Variants in NEXMIF observed in about 807,000 individuals in gnomAD.
NEXMIF encodes the protein neurite extension and migration factor, also known as XLMR protein related to neurite extension.
In NEXMIF, 8 loss-of-function variants were observed where a neutral mutation model predicts 62.1. The ratio of observed to expected loss-of-function variants is 0.13; its 90% CI spans 0.08 to 0.23. The LOEUF is 0.23. Ranked by LOEUF, NEXMIF falls within the 10% of genes least tolerant of loss-of-function variation. NEXMIF has a pLI of 1.00. For synonymous variants in NEXMIF, 404 were observed against 416.6 expected (o/e 0.97, Z 0.37); for missense variants, 976 against 1,113.3 (o/e 0.88, Z 1.75).
Position 74,846,331 on chromosome X carries a change from A to C in NEXMIF, c.-48+78552T>G, listed in dbSNP as rs1015514061. Reference sequence around the variant, plus strand: ...AGGAGATCTATTCTAGTCTGTTCTCAGTCCTTCCAAATTCTACTTGAATTT... The same window carrying C: ...AGGAGATCTATTCTAGTCTGTTCTCCGTCCTTCCAAATTCTACTTGAATTT... On this transcript the variant is annotated intron_variant, in intron 1 of 3. Coordinates refer to ENST00000055682, the MANE Select transcript of NEXMIF (RefSeq NM_001008537.3). Among the ~76,000 whole-genome samples the C allele has an allele frequency of 3.6e-5, 4 of 112,262 alleles. No homozygotes were observed. In the Admixed American group the frequency reaches 3.8e-4, roughly 11 times the overall value.
intron 1 of NEXMIF, among the ~76,000 whole-genome samples, chrX:74,894,516 C>A (rs946466457): frequency 1.1e-4 from 12 of 110,946 alleles, no homozygotes; most frequent in Non-Finnish European, 1.9e-4. Flanking sequence ...ATACTGAAAC[C>A]AGACAAAATC....
chrX:74,899,600 G>A (rs1488081206), intron 1 of NEXMIF, among the ~76,000 whole-genome samples: 1 of 112,000 alleles, frequency 8.9e-6, no homozygotes, highest in Non-Finnish European at 1.9e-5. Context: ...TAAATAGGAA[G>A]ATATCCCATG....
chrX:74,787,848 C>T (rs945627937), intron 1 of NEXMIF, among the ~76,000 whole-genome samples: 1 of 111,532 alleles, frequency 9.0e-6, no homozygotes, highest in Non-Finnish European at 1.9e-5. Context: ...AGAGAGAGTA[C>T]ACTCCTCAAA....
chrX:74,784,078 C>T (rs1892745883), intron 1 of NEXMIF, among the ~76,000 whole-genome samples: 2 of 111,615 alleles, frequency 1.8e-5, no homozygotes, highest in African/African-American at 3.3e-5. Flanking sequence ...AGCTCAAAAT[C>T]GTATTTCAAT....
intron 1 of NEXMIF, among the ~76,000 whole-genome samples, chrX:74,754,046 C>T (rs1040406316): frequency 6.3e-5 from 7 of 111,427 alleles, no homozygotes; most frequent in Non-Finnish European, 1.1e-4. Flanking sequence ...ACTGCAACCT[C>T]GGCCTCCAGG....
intron 1 of NEXMIF, among the ~76,000 whole-genome samples, chrX:74,750,475 T>C (rs1318817304): frequency 8.9e-6 from 1 of 112,004 alleles, no homozygotes; most frequent in Non-Finnish European, 1.9e-5. Context: ...AGAAAGCAAC[T>C]GACAAGCAAG....
In NEXMIF at chrX:74,740,352, T is replaced by C. The variant is rs140532942; in HGVS notation, c.4205A>G (p.Asn1402Ser). The C allele has an allele frequency of 1.0e-4, 122 of 1,210,165 alleles. 1 individual carries two copies. In the African/African-American group the frequency reaches 2.0e-3, roughly 20 times the overall value. The change falls in exon 3 of 4, where the codon AAT becomes AGT. Residue 1402 changes from asparagine to serine, a missense_variant. Physicochemically the swap from Asn to Ser is conservative, Grantham distance 46 (BLOSUM62 1). Around this residue, in one of 5 missense-constraint regions of NEXMIF, gnomAD observed 137 missense variants for 128.9 expected, o/e 1.06. Transcript: ENST00000055682. ...HRSIKGVSKS[N>S]GKTAIGDPGR... is the part of the protein sequence containing the mutation. ...AGGATCACCTATTGCTGTTTTCCCA[T>C]TGCTTTTGCTCACACCCTTGATTGA... is the stretch of plus-strand genomic sequence containing the variant.
In NEXMIF at chrX:74,883,309, G is replaced by T. The variant is rs188476823; in HGVS notation, c.-48+41574C>A. ...AAGCTGGATGGAGAATGACTTTGAC[G>T]AGTTGAGAGAGGAAGGCTTCAGAAG... On this transcript the variant is annotated intron_variant, in intron 1 of 3. Coordinates refer to ENST00000055682, the MANE Select transcript of NEXMIF (RefSeq NM_001008537.3). Among the ~76,000 whole-genome samples, 38 of 111,737 alleles carry T rather than the reference G, an allele frequency of 3.4e-4. No homozygotes were observed. In the East Asian group the frequency reaches 0.01, roughly 31 times the overall value.
intron 1 of NEXMIF, among the ~76,000 whole-genome samples, chrX:74,773,908 C>CA (rs61514458): frequency 1.1e-3 from 41 of 38,067 alleles, no homozygotes; most frequent in Non-Finnish European, 1.3e-3. Context: ...GACTCCGTCT[C>CA]AAAAAAAAAA....
intron 1 of NEXMIF, among the ~76,000 whole-genome samples, chrX:74,796,237 TATATATACACATA>T (rs2080310278): frequency 1.7e-5 from 1 of 57,848 alleles, no homozygotes; most frequent in Non-Finnish European, 3.0e-5. Flanking sequence ...ATAATATATA[TATATATACACATA>T]TATATTATAT....
chrX:74,864,885 T>A (rs950788649), intron 1 of NEXMIF, among the ~76,000 whole-genome samples: 2 of 110,831 alleles, frequency 1.8e-5, no homozygotes. Flanking sequence ...ATTTTTATAT[T>A]TTTAGTAGAG....
chrX:74,907,341 C>CA lies in NEXMIF; in HGVS notation c.-48+17541_-48+17542insT, dbSNP rs940331948. On this transcript the variant is annotated intron_variant, in intron 1 of 3. Transcript: ENST00000055682. The stretch of plus-strand genomic sequence containing the variant: ...GTGTTCAGAAGCAAGAGCACCCCCC[C>CA]CCCCGCCCCTTACCTCACTGTTCAA... Among the ~76,000 whole-genome samples the CA allele has an allele frequency of 3.1e-4, 21 of 67,969 alleles. 1 individual carries two copies. Among genetic ancestry groups the CA allele is most frequent in the African/African-American group, 1.1e-3 (20 of 17,584 alleles). 59.0% of individuals were successfully genotyped at this position (67,969 alleles called of 115,157 possible).
intron 1 of NEXMIF, among the ~76,000 whole-genome samples, chrX:74,796,759 AAATG>A (rs1290621547): frequency 8.9e-6 from 1 of 111,774 alleles, no homozygotes; most frequent in Non-Finnish European, 1.9e-5. Context: ...CAGCATAAAT[AAATG>A]ATCAAATAAA....
chrX:74,908,134 G>T (rs1338298384), intron 1 of NEXMIF, among the ~76,000 whole-genome samples: 1 of 111,868 alleles, frequency 8.9e-6, no homozygotes, highest in African/African-American at 3.3e-5. Context: ...ACAGATCAGA[G>T]AAAGGCTGAG....
rs149185175 is a variant in NEXMIF at position 74,740,759 on chromosome X, G to A, written c.3798C>T (p.Gly1266=). ...TTGGCATCTTCATAGAGGCCATAGG[G>A]CCACCATGTTGGATACATTCAGCCA... ...KTLAECIQHG[G]PMASMKMPSQ... Residue 1266 remains glycine, a synonymous_variant, in exon 3 of 4, where the codon GGC becomes GGT. Coordinates refer to ENST00000055682, the MANE Select transcript of NEXMIF (RefSeq NM_001008537.3). The A allele has an allele frequency of 9.5e-4, 1,154 of 1,210,710 alleles. 8 individuals are homozygous for A. In the African/African-American group the frequency reaches 0.018, roughly 19 times the overall value.
chrX:74,920,529 C>A (rs1213922059), intron 1 of NEXMIF, among the ~76,000 whole-genome samples: 8 of 110,825 alleles, frequency 7.2e-5, no homozygotes, highest in African/African-American at 2.3e-4. Flanking sequence ...GATATTAGCC[C>A]TTTGTCAGAT....
chrX:74,799,284 G>T lies in NEXMIF; in HGVS notation c.-47-53587C>A, dbSNP rs372651552. Among the ~76,000 whole-genome samples the T allele has an allele frequency of 7.2e-5, 8 of 111,153 alleles. No homozygotes were observed. The East Asian group carries it at 2.3e-3, about 32-fold the overall frequency. On this transcript the variant is annotated intron_variant, in intron 1 of 3. Transcript: ENST00000055682. Reference sequence around the variant, plus strand: ...GTGTGTAGCAGAGATTTTCACAAAGGCCTCAATAAAGACCTGGTCTCCTTC... The same window carrying T: ...GTGTGTAGCAGAGATTTTCACAAAGTCCTCAATAAAGACCTGGTCTCCTTC...
At position 74,794,834 on chromosome X, in the gene NEXMIF, C is replaced by G. The variant is rs191958120; in HGVS notation, c.-47-49137G>C. ...GAGGCAATGCCTCGCCCTGCTTTGG[C>G]TCATGCACAGTGCGCGCACCCACTG... On this transcript the variant is annotated intron_variant, in intron 1 of 3. Transcript: ENST00000055682. Among the ~76,000 whole-genome samples the G allele has an allele frequency of 6.5e-3, 724 of 112,063 alleles. 6 individuals carry two copies. The highest frequency in any genetic ancestry group is 0.021 in the African/African-American group (659 of 30,841).
At chrX:74,876,895 G>A (rs1235542211) in intron 1 of NEXMIF, among the ~76,000 whole-genome samples, 1 of 110,650 alleles carries the variant, frequency 9.0e-6, no homozygotes, top group Non-Finnish European at 1.9e-5. Flanking sequence ...CTCTGCATGT[G>A]AGATGGGTTT....
Sources: gnomAD v4.1 joint callset for allele counts (sites outside exome capture counted in the v4.1 genomes callset) on GRCh38, gnomAD v4.1.1 for gene constraint, gnomAD v4.1.1 regional missense constraint, MANE v1.5 for transcripts, NCBI Gene and HGNC (gene_info 2026-07-23, HGNC 2026-07-21) for gene names.